Variants in FSTL5 observed in about 807,000 individuals in gnomAD.
FSTL5 encodes follistatin-related protein 5.
Under a neutral mutation model 89.1 loss-of-function variants are expected in FSTL5, and 62 were observed. That is an observed-to-expected ratio of 0.70 (90% confidence interval 0.57 to 0.86). The LOEUF (loss-of-function observed/expected upper bound fraction) is 0.86. Among genes scored for constraint, FSTL5 ranks in the 40% least tolerant of loss-of-function variants. The pLI is 0.00. For missense variants in FSTL5, 1,057 were observed against 1,001.6 expected, an observed-to-expected ratio of 1.06 and a Z score of -0.75; for synonymous variants, 383 against 346.2, an observed-to-expected ratio of 1.11 and a Z score of -1.18.
intron 12 of FSTL5, among the ~76,000 whole-genome samples, chr4:161,486,656 T>C (rs1415092983): frequency 6.6e-6 from 1 of 152,182 alleles, no homozygotes; most frequent in Non-Finnish European, 1.5e-5. Flanking sequence ...GGGCTGCCAA[T>C]GTGTGTAAAT....
At chr4:162,044,271 C>T (rs1738087578) in intron 2 of FSTL5, among the ~76,000 whole-genome samples, 1 of 152,146 alleles carries the variant, frequency 6.6e-6, no homozygotes, top group Non-Finnish European at 1.5e-5. Flanking sequence ...CATGAAAGCA[C>T]ATCAGTATCC....
At chr4:161,398,171 A>G (rs950739895) in intron 15 of FSTL5, among the ~76,000 whole-genome samples, 1 of 152,088 alleles carries the variant, frequency 6.6e-6, no homozygotes. Flanking sequence ...CCCTTAATAA[A>G]TGCTCATAAA....
intron 3 of FSTL5, among the ~76,000 whole-genome samples, chr4:161,977,905 T>G (rs72693217): frequency 6.6e-6 from 1 of 152,080 alleles, no homozygotes; most frequent in African/African-American, 2.4e-5. Flanking sequence ...ATAATTCTTA[T>G]GCAGCTGTTT....
chr4:161,632,670 GT>G lies in FSTL5; in HGVS notation c.894+23657del, dbSNP rs538616541. 5.5e-3 allele frequency among the ~76,000 whole-genome samples: 837 copies of G among 152,164 alleles called. 7 individuals carry two copies. The highest frequency in any genetic ancestry group is 0.016 in the African/African-American group (668 of 41,520). On this transcript the variant is annotated intron_variant, in intron 7 of 15. Transcript: ENST00000306100. Reference sequence around the variant, plus strand: ...CTAATAGTCTGAGTTAAAAGAAAGAGTTTTTTATTGATTTCTGTGTTTTTTA... The same window carrying G: ...CTAATAGTCTGAGTTAAAAGAAAGAGTTTTTATTGATTTCTGTGTTTTTTA...
chr4:161,895,264 T>C (rs1243756379), intron 4 of FSTL5, among the ~76,000 whole-genome samples: 1 of 152,188 alleles, frequency 6.6e-6, no homozygotes, highest in African/African-American at 2.4e-5. Context: ...CTTTCTACTG[T>C]ATAAAGAAAA....
In FSTL5 at chr4:162,055,345, C is replaced by T. The variant is rs550276402; in HGVS notation, c.127-21687G>A. The stretch of plus-strand genomic sequence containing the variant: ...TTATATACAAAGTATATATTTAATA[C>T]AACTCTAAATAAAATACCATTATAA... On this transcript the variant is annotated intron_variant, in intron 2 of 15. Coordinates refer to ENST00000306100, the MANE Select transcript of FSTL5 (RefSeq NM_020116.5). 3.5e-4 allele frequency among the ~76,000 whole-genome samples: 53 copies of T among 151,404 alleles called. No homozygotes were observed. In the South Asian group the frequency reaches 0.011, roughly 31 times the overall value.
intron 6 of FSTL5, among the ~76,000 whole-genome samples, chr4:161,669,342 T>C (rs1390951253): frequency 6.6e-6 from 1 of 151,906 alleles, no homozygotes; most frequent in African/African-American, 2.4e-5. Context: ...TGAACCAATG[T>C]TGAAGGAGAA....
intron 2 of FSTL5, among the ~76,000 whole-genome samples, chr4:162,047,757 G>A (rs1004970450): frequency 2.0e-5 from 3 of 151,886 alleles, no homozygotes; most frequent in African/African-American, 4.8e-5. Context: ...CCTGGGAGGC[G>A]GAGGTTGCAG....
chr4:161,409,517 G>A (rs1731513658), intron 15 of FSTL5, among the ~76,000 whole-genome samples: 1 of 152,028 alleles, frequency 6.6e-6, no homozygotes, highest in Non-Finnish European at 1.5e-5. Context: ...GAGTAGCTGG[G>A]ATTACAGACA....
intron 6 of FSTL5, among the ~76,000 whole-genome samples, chr4:161,733,599 G>C (rs1474096692): frequency 6.6e-6 from 1 of 151,990 alleles, no homozygotes; most frequent in African/African-American, 2.4e-5. Flanking sequence ...AAAGTATCGA[G>C]TTTGTCAATT....
chr4:161,860,158 G>A (rs1019522413), intron 4 of FSTL5, among the ~76,000 whole-genome samples: 12 of 152,090 alleles, frequency 7.9e-5, no homozygotes, highest in East Asian at 5.9e-4. Flanking sequence ...CGTGGTGGCG[G>A]GCGCCTGTAG....
At chr4:161,825,891 G>A (rs1318339280) in intron 4 of FSTL5, among the ~76,000 whole-genome samples, 1 of 151,662 alleles carries the variant, frequency 6.6e-6, no homozygotes, top group African/African-American at 2.4e-5. Flanking sequence ...GTTCTGCTTT[G>A]ATCTTCATTA....
At chr4:161,512,220 G>C (rs1730674947) in intron 10 of FSTL5, among the ~76,000 whole-genome samples, 1 of 152,050 alleles carries the variant, frequency 6.6e-6, no homozygotes, top group African/African-American at 2.4e-5. Flanking sequence ...AACAACGCAT[G>C]TGTTTCCTTA....
chr4:161,939,232 T>C (rs995097144), intron 3 of FSTL5, among the ~76,000 whole-genome samples: 1 of 151,888 alleles, frequency 6.6e-6, no homozygotes, highest in Non-Finnish European at 1.5e-5. Flanking sequence ...AAAATAAGCT[T>C]CTCTGATTTT....
chr4:161,614,852 T>A (rs1036735173), intron 7 of FSTL5, among the ~76,000 whole-genome samples: 1 of 152,158 alleles, frequency 6.6e-6, no homozygotes, highest in South Asian at 2.1e-4. Flanking sequence ...ATTAACAACT[T>A]TTTGAAAAGG....
rs12640724 is a variant in FSTL5 at position 161,673,441 on chromosome 4, A to T, written c.728-16947T>A. On this transcript the variant is annotated intron_variant, in intron 6 of 15. Coordinates refer to ENST00000306100, the MANE Select transcript of FSTL5 (RefSeq NM_020116.5). ...TGAACTGTATTTATTAGAAAAATTA[A>T]ATACATTTCTTCCTTAAATAAGCTA... 5.5e-3 allele frequency among the ~76,000 whole-genome samples: 843 copies of T among 152,202 alleles called. 20 individuals are homozygous for T. The highest frequency in any genetic ancestry group is 0.045 in the Admixed American group (680 of 15,258).
At chr4:161,962,359 T>C (rs1735205906) in intron 3 of FSTL5, among the ~76,000 whole-genome samples, 1 of 152,008 alleles carries the variant, frequency 6.6e-6, no homozygotes, top group Non-Finnish European at 1.5e-5. Flanking sequence ...TTGATACGAA[T>C]TGGAAAATCA....
chr4:161,625,049 T>C (rs975836085), intron 7 of FSTL5, among the ~76,000 whole-genome samples: 2 of 152,144 alleles, frequency 1.3e-5, no homozygotes, highest in Non-Finnish European at 2.9e-5. Context: ...TGATGGTTAA[T>C]AGTATACAGT....
At chr4:161,948,102 C>A (rs1734784658) in intron 3 of FSTL5, among the ~76,000 whole-genome samples, 1 of 151,228 alleles carries the variant, frequency 6.6e-6, no homozygotes, top group African/African-American at 2.4e-5. Flanking sequence ...CATAGCAAGA[C>A]CCTGTCTCTA....
Sources: allele counts gnomAD v4.1 joint callset (sites outside exome capture counted in the v4.1 genomes callset), GRCh38; gene constraint gnomAD v4.1.1; transcripts MANE v1.5; gene names NCBI Gene and HGNC (gene_info 2026-07-23, HGNC 2026-07-21).